The following TMEM132B variants were observed in gnomAD, a reference collection of about 807,000 sequenced individuals.
TMEM132B encodes transmembrane protein 132B.
TMEM132B carries 18 observed loss-of-function variants against 90.8 expected under a neutral mutation model. The observed-to-expected ratio is 0.20, with a 90% CI of 0.14 to 0.29. The LOEUF is 0.29. Among genes scored for constraint, TMEM132B ranks in the 10% least tolerant of loss-of-function variants. The probability of loss-of-function intolerance (pLI) is 1.00; values close to 1 mark genes in which losing one functional copy is unlikely to be tolerated. For missense variants in TMEM132B, 1,096 were observed against 1,326.8 expected (o/e 0.83, Z 2.70); for synonymous variants, 504 against 523.3 (o/e 0.96, Z 0.50).
At chr12:125,538,453 C>G (rs918243751) in intron 4 of TMEM132B, among the ~76,000 whole-genome samples, 1 of 152,208 alleles carries the variant, frequency 6.6e-6, no homozygotes, top group African/African-American at 2.4e-5. Flanking sequence ...GGCACTCTAG[C>G]AAGCACATCT....
At chr12:125,568,822 G>A (rs1433289785) in intron 4 of TMEM132B, among the ~76,000 whole-genome samples, 3 of 152,130 alleles carry the variant, frequency 2.0e-5, no homozygotes, top group African/African-American at 7.2e-5. Context: ...CTTTATGTGG[G>A]TCTCTTGCTA....
At chr12:125,439,072 A>G (rs1260909638) in intron 3 of TMEM132B, among the ~76,000 whole-genome samples, 1 of 151,738 alleles carries the variant, frequency 6.6e-6, no homozygotes, top group African/African-American at 2.4e-5. Context: ...CCTGTAGTAT[A>G]TCGTTTGAAG....
chr12:125,575,354 A>C (rs1378203121), intron 4 of TMEM132B, among the ~76,000 whole-genome samples: 2 of 151,658 alleles, frequency 1.3e-5, no homozygotes, highest in Non-Finnish European at 2.9e-5. Context: ...ACTTGTATTA[A>C]TATATCTTCT....
chr12:125,524,386 T>C (rs919870743), intron 4 of TMEM132B, among the ~76,000 whole-genome samples: 1 of 152,248 alleles, frequency 6.6e-6, no homozygotes, highest in African/African-American at 2.4e-5. Flanking sequence ...ATTTCAATTA[T>C]GATTACCTTC....
chr12:125,341,214 A>G (rs1209705807), intron 1 of TMEM132B, among the ~76,000 whole-genome samples: 1 of 152,216 alleles, frequency 6.6e-6, no homozygotes, highest in Non-Finnish European at 1.5e-5. Context: ...CACCTCTGCC[A>G]CTTACTAGCT....
At chr12:125,284,493 C>T (rs1875292131) in intron 1 of TMEM132B, among the ~76,000 whole-genome samples, 1 of 152,188 alleles carries the variant, frequency 6.6e-6, no homozygotes, top group African/African-American at 2.4e-5. Context: ...CTCCCCCCTG[C>T]TCCCTTCTTA....
chr12:125,305,132 A>G (rs1387448819), intron 1 of TMEM132B, among the ~76,000 whole-genome samples: 1 of 152,064 alleles, frequency 6.6e-6, no homozygotes, highest in Non-Finnish European at 1.5e-5. Flanking sequence ...CTGAAGCCTT[A>G]CAAATATCAG....
intron 1 of TMEM132B, among the ~76,000 whole-genome samples, chr12:125,326,009 G>C (rs1218909073): frequency 6.6e-6 from 1 of 152,138 alleles, no homozygotes; most frequent in Non-Finnish European, 1.5e-5. Flanking sequence ...CTGCAGCTCT[G>C]AGCTCCCCAT....
chr12:125,609,168 T>A (rs2136938915), intron 5 of TMEM132B, among the ~76,000 whole-genome samples: 1 of 152,292 alleles, frequency 6.6e-6, no homozygotes, highest in African/African-American at 2.4e-5. Flanking sequence ...GGTCCCGCCC[T>A]TGACTCGTGA....
At chr12:125,630,729 C>T (rs11611843) in intron 5 of TMEM132B, among the ~76,000 whole-genome samples, 26,200 of 151,944 alleles carry the variant, frequency 0.17, 2,457 homozygotes, top group African/African-American at 0.22. Flanking sequence ...TTCTGCTCCT[C>T]TTCCTCCTCC....
At chr12:125,263,458 C>G (rs930706482) in intron 1 of TMEM132B, among the ~76,000 whole-genome samples, 4 of 152,158 alleles carry the variant, frequency 2.6e-5, no homozygotes, top group Non-Finnish European at 4.4e-5. Context: ...CATGTAAAGT[C>G]CTTGGTGCCT....
At chr12:125,221,536 A>G (rs1458805782) in intron 1 of TMEM132B, among the ~76,000 whole-genome samples, 1 of 152,212 alleles carries the variant, frequency 6.6e-6, no homozygotes, top group African/African-American at 2.4e-5. Flanking sequence ...ATCAAAACAA[A>G]TGTTCAAACA....
intron 2 of TMEM132B, among the ~76,000 whole-genome samples, chr12:125,362,462 A>G (rs1877989492): frequency 6.6e-6 from 1 of 152,234 alleles, no homozygotes; most frequent in Admixed American, 6.5e-5. Context: ...TTAACATGGT[A>G]AAAAACAGTT....
At chr12:125,231,974 G>A (rs1378174836) in intron 1 of TMEM132B, among the ~76,000 whole-genome samples, 1 of 151,824 alleles carries the variant, frequency 6.6e-6, no homozygotes, top group Non-Finnish European at 1.5e-5. Flanking sequence ...GTCCATGTAT[G>A]GGTGTGTGTG....
chr12:125,213,658 A>G lies in TMEM132B; in HGVS notation c.67+26792A>G, dbSNP rs1265343467. Among the ~76,000 whole-genome samples, 1 of 152,232 alleles carries G rather than the reference A, an allele frequency of 6.6e-6. No individual in the cohort carries two copies. Among genetic ancestry groups the G allele is most frequent in the Admixed American group, 6.5e-5 (1 of 15,280 alleles). On this transcript the variant is annotated intron_variant, in intron 1 of 8. Transcript: ENST00000682704. This position sits in a 1 kb window ranked among gnomAD's most constrained non-coding sequence, Gnocchi z 4.2. ...ATTTTTCTGTCTAGCACTTATCACTATCTGAATGAGTCTCCCTTGTTGCCT... is the reference window on the plus strand; with the variant it reads ...ATTTTTCTGTCTAGCACTTATCACTGTCTGAATGAGTCTCCCTTGTTGCCT...
chr12:125,610,617 ATCTC>A (rs138076677), intron 5 of TMEM132B, among the ~76,000 whole-genome samples: 11,426 of 144,902 alleles, frequency 0.079, 501 homozygotes, highest in East Asian at 0.15. Flanking sequence ...ATGGTGTAAA[ATCTC>A]TCTCTCTCTC....
chr12:125,192,698 G>A (rs895171374), intron 1 of TMEM132B, among the ~76,000 whole-genome samples: 11 of 152,156 alleles, frequency 7.2e-5, no homozygotes, highest in Admixed American at 6.5e-5. Flanking sequence ...GGCCTGCTTC[G>A]GCAGGAGGGA....
chr12:125,472,835 A>T (rs753630449), intron 3 of TMEM132B, among the ~76,000 whole-genome samples: 1 of 152,150 alleles, frequency 6.6e-6, no homozygotes. Flanking sequence ...ACTATGAGTG[A>T]TAAGTTTCGG....
chr12:125,566,027 A>G (rs1018952235), intron 4 of TMEM132B, among the ~76,000 whole-genome samples: 7 of 152,238 alleles, frequency 4.6e-5, no homozygotes, highest in African/African-American at 1.4e-4. Flanking sequence ...GAGTGCTGTG[A>G]GGAAGGTTTG....
Sources: allele counts gnomAD v4.1 joint callset (sites outside exome capture counted in the v4.1 genomes callset), GRCh38; gene constraint gnomAD v4.1.1; non-coding constraint Gnocchi (gnomAD v3.1); transcripts MANE v1.5; gene names NCBI Gene and HGNC (gene_info 2026-07-23, HGNC 2026-07-21).